Variants in CSMD1 observed in about 807,000 individuals in gnomAD.
CSMD1 encodes the protein CUB and sushi domain-containing protein 1.
Under a neutral mutation model 417.5 loss-of-function variants are expected in CSMD1, and 213 were observed. The observed-to-expected ratio is 0.51, with a 90% confidence interval of 0.46 to 0.57. The LOEUF (loss-of-function observed/expected upper bound fraction) is 0.57. Among genes scored for constraint, CSMD1 ranks in the 20% least tolerant of loss-of-function variants. The probability of loss-of-function intolerance (pLI) is 0.00; values close to 1 mark genes in which losing one functional copy is unlikely to be tolerated. For missense variants in CSMD1, 6,923 were observed against 4,529.7 expected, an observed-to-expected ratio of 1.53 and a Z score of -15.17; for synonymous variants, 2,862 against 1,736.8, an observed-to-expected ratio of 1.65 and a Z score of -16.11.
intron 10 of CSMD1, among the ~76,000 whole-genome samples, chr8:3,569,739 G>C (rs574146683): frequency 1.5e-4 from 23 of 152,208 alleles, no homozygotes; most frequent in African/African-American, 5.5e-4. Flanking sequence ...ATCAAATTAA[G>C]CCTAATTATA....
intron 3 of CSMD1, among the ~76,000 whole-genome samples, chr8:4,262,412 G>C (rs1803951891): frequency 1.3e-5 from 2 of 152,190 alleles, no homozygotes; most frequent in Admixed American, 1.3e-4. Context: ...CAGGTTTGTG[G>C]TTAGAAATTT....
chr8:3,097,890 G>C (rs944037690), intron 46 of CSMD1, among the ~76,000 whole-genome samples: 7 of 152,178 alleles, frequency 4.6e-5, no homozygotes, highest in Non-Finnish European at 8.8e-5. Context: ...CAGGAGCCCT[G>C]ATTCCTAAGG....
At chr8:4,964,308 G>T (rs1028316985) in intron 1 of CSMD1, among the ~76,000 whole-genome samples, 2 of 151,706 alleles carry the variant, frequency 1.3e-5, no homozygotes, top group Non-Finnish European at 2.9e-5. Context: ...AAGTCCCAAA[G>T]TTCAACACCA....
intron 1 of CSMD1, among the ~76,000 whole-genome samples, chr8:4,726,239 CTT>C (rs1809433791): frequency 2.0e-5 from 3 of 151,660 alleles, no homozygotes; most frequent in Non-Finnish European, 4.4e-5. Flanking sequence ...CAGAAAAACT[CTT>C]GTGTGTTTCT....
chr8:3,479,563 A>G (rs924964312), intron 11 of CSMD1, among the ~76,000 whole-genome samples: 2 of 152,222 alleles, frequency 1.3e-5, no homozygotes, highest in Non-Finnish European at 2.9e-5. Context: ...TACAGGTGTG[A>G]GCCACCGCGC....
chr8:3,062,183 G>T (rs1417703346), intron 49 of CSMD1, among the ~76,000 whole-genome samples: 1 of 151,716 alleles, frequency 6.6e-6, no homozygotes, highest in East Asian at 1.9e-4. Context: ...CCTTATCTTT[G>T]ATTTCCAAAA....
intron 1 of CSMD1, among the ~76,000 whole-genome samples, chr8:4,811,049 A>G (rs925401935): frequency 6.6e-6 from 1 of 152,214 alleles, no homozygotes; most frequent in African/African-American, 2.4e-5. Flanking sequence ...CACTTAAACG[A>G]TTAATCAGTA....
chr8:3,251,870 G>T (rs1800292444), intron 26 of CSMD1, among the ~76,000 whole-genome samples: 1 of 151,990 alleles, frequency 6.6e-6, no homozygotes, highest in East Asian at 1.9e-4. Context: ...TTCTTTGTCT[G>T]TTGTTGGTGT....
At chr8:4,355,444 T>C (rs565727920) in intron 3 of CSMD1, among the ~76,000 whole-genome samples, 1 of 152,096 alleles carries the variant, frequency 6.6e-6, no homozygotes, top group African/African-American at 2.4e-5. Flanking sequence ...TGTGTTTGCA[T>C]GTAGGAAAGC....
intron 2 of CSMD1, among the ~76,000 whole-genome samples, chr8:4,460,105 T>C (rs1025583315): frequency 9.2e-5 from 14 of 152,266 alleles, no homozygotes; most frequent in South Asian, 6.2e-4. Flanking sequence ...ACAGAGCATA[T>C]GCCATGCCAC....
At chr8:4,083,047 C>T (rs1247264984) in intron 3 of CSMD1, among the ~76,000 whole-genome samples, 1 of 151,946 alleles carries the variant, frequency 6.6e-6, no homozygotes, top group Non-Finnish European at 1.5e-5. Flanking sequence ...CAAGTCTTTG[C>T]TATTGTGAAT....
At chr8:4,023,176 C>G (rs2740928) in intron 4 of CSMD1, among the ~76,000 whole-genome samples, 96,821 of 152,092 alleles carry the variant, frequency 0.64, 31,168 homozygotes, top group South Asian at 0.74. Context: ...TTCCTTTTCA[C>G]CCAGTGCAAT....
chr8:3,240,063 C>T (rs954174905), intron 26 of CSMD1, among the ~76,000 whole-genome samples: 8 of 152,094 alleles, frequency 5.3e-5, no homozygotes, highest in Non-Finnish European at 7.4e-5. Context: ...TTTTAAGGGC[C>T]TCTAAAAGGA....
At chr8:4,570,273 G>C (rs567000870) in intron 2 of CSMD1, among the ~76,000 whole-genome samples, 2 of 152,216 alleles carry the variant, frequency 1.3e-5, no homozygotes, top group South Asian at 2.1e-4. Context: ...TTGGCTGTGG[G>C]TTTGTCATAC....
intron 12 of CSMD1, among the ~76,000 whole-genome samples, chr8:3,420,423 GA>G (rs76802434): frequency 0.013 from 1,389 of 110,680 alleles, 16 homozygotes; most frequent in East Asian, 0.038. Flanking sequence ...AGGACACTAG[GA>G]AAAAAAAAAA....
At chr8:3,314,279 TA>T (rs1486247280) in intron 23 of CSMD1, among the ~76,000 whole-genome samples, 1 of 152,222 alleles carries the variant, frequency 6.6e-6, no homozygotes, top group Non-Finnish European at 1.5e-5. Context: ...CTCAAGTTTT[TA>T]AAGGATATGT....
At chr8:4,108,239 T>G (rs1479131499) in intron 3 of CSMD1, among the ~76,000 whole-genome samples, 1 of 152,172 alleles carries the variant, frequency 6.6e-6, no homozygotes, top group African/African-American at 2.4e-5. Context: ...CATTTAATAT[T>G]TAATTTCTAT....
Position 4,428,278 on chromosome 8 carries a change from A to G in CSMD1, c.303-8213T>C, listed in dbSNP as rs938716264. On this transcript the variant is annotated intron_variant, in intron 2 of 69. Transcript: ENST00000635120. ...TCAACTTGATACAAGGAAAATCAGG[A>G]CAGCTTGTACCAAGACAACTACTTC... 6.6e-5 allele frequency among the ~76,000 whole-genome samples: 10 copies of G among 152,226 alleles called. No homozygotes were observed. In the Middle Eastern group the frequency reaches 9.5e-3, roughly 145 times the overall value.
At position 4,114,182 on chromosome 8, in the gene CSMD1, T is replaced by TA. The variant is rs772242071; in HGVS notation, c.416-82084dup. Among the ~76,000 whole-genome samples, 71 of 152,334 alleles carry TA rather than the reference T, an allele frequency of 4.7e-4. 1 individual carries two copies. Among genetic ancestry groups the TA allele is most frequent in the Non-Finnish European group, 3.4e-4 (23 of 68,028 alleles). On this transcript the variant is annotated intron_variant, in intron 3 of 69. Coordinates refer to ENST00000635120, the MANE Select transcript of CSMD1 (RefSeq NM_033225.6). ...ACTTCAAAGGACAGCCTGACTCCTC[T>TA]ATTAGGAGCTCATGCAGCTGGTAAC...
Sources: gnomAD v4.1 joint callset for allele counts (sites outside exome capture counted in the v4.1 genomes callset) on GRCh38, gnomAD v4.1.1 for gene constraint, MANE v1.5 for transcripts, NCBI Gene and HGNC (gene_info 2026-07-23, HGNC 2026-07-21) for gene names.